CCDC102B: variants seen among roughly 807,000 people sequenced by gnomAD.
CCDC102B encodes the protein coiled-coil domain containing 102B, also known as coiled-coil domain-containing protein 102B.
Under a neutral mutation model 57.4 loss-of-function variants are expected in CCDC102B, and 75 were observed. The observed-to-expected ratio is 1.31, with a 90% confidence interval of 1.08 to 1.58. The LOEUF is 1.58. Ranked by LOEUF, CCDC102B falls within the 40% of genes most tolerant of loss-of-function variation. CCDC102B has a pLI of 0.00. For missense variants in CCDC102B, 636 were observed against 582.6 expected, an observed-to-expected ratio of 1.09 and a Z score of -0.94; for synonymous variants, 206 against 201.9, an observed-to-expected ratio of 1.02 and a Z score of -0.17.
At chr18:68,799,958 A>G (rs1242818183) in intron 1 of CCDC102B, among the ~76,000 whole-genome samples, 1 of 152,110 alleles carries the variant, frequency 6.6e-6, no homozygotes, top group Non-Finnish European at 1.5e-5. Context: ...CAAGTTTCTG[A>G]AAAGAGGTGG....
chr18:68,909,619 T>C (rs991465282), intron 6 of CCDC102B, among the ~76,000 whole-genome samples: 2 of 152,206 alleles, frequency 1.3e-5, no homozygotes, highest in Non-Finnish European at 2.9e-5. Context: ...AACTCTGATA[T>C]TGAATATACA....
chr18:68,724,457 T>G (rs2032502268), intron 2 of CCDC102B, among the ~76,000 whole-genome samples: 1 of 152,220 alleles, frequency 6.6e-6, no homozygotes, highest in Non-Finnish European at 1.5e-5. Flanking sequence ...CTTGATTGCT[T>G]TGCTCCTTAG....
intron 6 of CCDC102B, chr18:68,992,984 C>A: frequency 6.0e-6 from 1 of 166,248 alleles, no homozygotes. Flanking sequence ...AGAGCTGCAT[C>A]CGCTTCTGAG....
Position 68,846,433 on chromosome 18 carries a change from T to G in CCDC102B, c.936+12T>G. On this transcript the variant is annotated intron_variant, in intron 4 of 7. Coordinates refer to ENST00000360242, the MANE Select transcript of CCDC102B (RefSeq NM_024781.3). ...AAAATGTGAAAGAGGTATGGGGGAA[T>G]ATGATGTAAAGGAAGAAATGAAGCC... 8 of 1,454,080 alleles carry G rather than the reference T, an allele frequency of 5.5e-6. No individual in the cohort carries two copies. Among genetic ancestry groups the G allele is most frequent in the Non-Finnish European group, 7.5e-6 (8 of 1,062,168 alleles). The allele number at this position is 1,454,080 out of a possible 1,614,324, so 90.1% of individuals were successfully genotyped here.
At chr18:68,861,604 A>G (rs2038761995) in intron 4 of CCDC102B, among the ~76,000 whole-genome samples, 1 of 152,182 alleles carries the variant, frequency 6.6e-6, no homozygotes, top group Non-Finnish European at 1.5e-5. Context: ...ACTGTGAATT[A>G]TGAGGTTTTC....
chr18:68,883,797 T>C (rs1352315964), intron 5 of CCDC102B, among the ~76,000 whole-genome samples: 1 of 152,192 alleles, frequency 6.6e-6, no homozygotes, highest in Non-Finnish European at 1.5e-5. Context: ...CTGAGTACAG[T>C]GCCCTTCTCA....
chr18:69,016,680 G>A (rs1286005976), intron 7 of CCDC102B, among the ~76,000 whole-genome samples: 6 of 152,004 alleles, frequency 3.9e-5, no homozygotes, highest in Non-Finnish European at 8.8e-5. Context: ...ATTCATAGTT[G>A]GCATTTCAAG....
chr18:68,911,390 C>T (rs925754898), intron 6 of CCDC102B, among the ~76,000 whole-genome samples: 1 of 152,060 alleles, frequency 6.6e-6, no homozygotes, highest in African/African-American at 2.4e-5. Flanking sequence ...ATGATGAGAA[C>T]ACATGGACAC....
At chr18:68,889,065 C>T (rs546842008) in intron 5 of CCDC102B, among the ~76,000 whole-genome samples, 1 of 148,802 alleles carries the variant, frequency 6.7e-6, no homozygotes, top group African/African-American at 2.5e-5. Context: ...CTCTATTTAA[C>T]ATTATAGATT....
chr18:68,752,714 A>C (rs983331490), intron 2 of CCDC102B, among the ~76,000 whole-genome samples: 1 of 152,164 alleles, frequency 6.6e-6, no homozygotes, highest in South Asian at 2.1e-4. Context: ...CAGTATTCCA[A>C]ATTATGTGTA....
At chr18:68,892,555 A>C (rs2040116686) in intron 5 of CCDC102B, among the ~76,000 whole-genome samples, 1 of 152,110 alleles carries the variant, frequency 6.6e-6, no homozygotes, top group Non-Finnish European at 1.5e-5. Context: ...TGCAGCTACC[A>C]GTGATTTTAT....
At chr18:68,780,721 C>T (rs780352123) in intron 2 of CCDC102B, among the ~76,000 whole-genome samples, 3 of 151,982 alleles carry the variant, frequency 2.0e-5, no homozygotes, top group Non-Finnish European at 2.9e-5. Flanking sequence ...CAAGTCTTTC[C>T]GTGTTTCTGG....
At chr18:68,967,134 G>T (rs2050184209) in intron 6 of CCDC102B, among the ~76,000 whole-genome samples, 1 of 150,824 alleles carries the variant, frequency 6.6e-6, no homozygotes, top group Non-Finnish European at 1.5e-5. Context: ...CTGAACAATA[G>T]TGAAAGCTAG....
At chr18:68,836,684 A>T in intron 1 of CCDC102B, 65 bp from the exon 2 acceptor site, 220 of 747,084 alleles carry the variant, frequency 2.9e-4, no homozygotes, top group Non-Finnish European at 4.0e-4. Context: ...AAAAAAGTGT[A>T]GGTCTTGTTC....
At chr18:68,748,257 T>TGTGTGTGTGTGTGTGTG (rs2033709126) in intron 2 of CCDC102B, among the ~76,000 whole-genome samples, 1 of 143,850 alleles carries the variant, frequency 7.0e-6, no homozygotes, top group Non-Finnish European at 1.5e-5. Context: ...TGTGTGTGTG[T>TGTGTGTGTGTGTGTGTG]TTGCTATTGA....
rs369385319 is a variant in CCDC102B at position 68,939,025 on chromosome 18, A to G, written c.1263+41597A>G. Among the ~76,000 whole-genome samples, 21 of 151,938 alleles carry G rather than the reference A, an allele frequency of 1.4e-4. No homozygotes were observed. The East Asian group carries it at 3.7e-3, about 27-fold the overall frequency. On this transcript the variant is annotated intron_variant, in intron 6 of 7. Transcript: ENST00000360242. ...ATATTTTAAAAACAATAGAATCAGA[A>G]CTATTTGGTTTCTCTTGCAACTAAA...
At chr18:68,966,168 GT>G in intron 6 of CCDC102B, among the ~76,000 whole-genome samples, 1 of 152,136 alleles carries the variant, frequency 6.6e-6, no homozygotes, top group East Asian at 1.9e-4. Flanking sequence ...TTACTAGTCA[GT>G]TTGGGTAATT....
intron 6 of CCDC102B, among the ~76,000 whole-genome samples, chr18:68,918,297 G>A (rs1033759000): frequency 5.3e-5 from 8 of 152,024 alleles, no homozygotes; most frequent in Admixed American, 4.6e-4. Context: ...AGGGCCCCTG[G>A]TATCTCTATT....
intron 4 of CCDC102B, among the ~76,000 whole-genome samples, chr18:68,864,627 C>A (rs2038898223): frequency 6.6e-6 from 1 of 152,014 alleles, no homozygotes; most frequent in Non-Finnish European, 1.5e-5. Context: ...ATATCTTCCA[C>A]TACTTCATTG....
Sources: gnomAD v4.1 joint callset for allele counts (sites outside exome capture counted in the v4.1 genomes callset) on GRCh38, gnomAD v4.1.1 for gene constraint, MANE v1.5 for transcripts, NCBI Gene and HGNC (gene_info 2026-07-23, HGNC 2026-07-21) for gene names.